Variants in MFAP5 observed in about 807,000 individuals in gnomAD.
MFAP5 encodes microfibrillar-associated protein 5.
In MFAP5, 19 loss-of-function variants were observed where a neutral mutation model predicts 30.1. The ratio of observed to expected loss-of-function variants is 0.63; its 90% CI spans 0.44 to 0.93. The LOEUF (loss-of-function observed/expected upper bound fraction) is 0.93, where lower values mean the gene tolerates loss of function less well. Among genes scored for constraint, MFAP5 ranks in the 40% least tolerant of loss-of-function variants. The probability of loss-of-function intolerance (pLI) is 0.00; values close to 1 mark genes in which losing one functional copy is unlikely to be tolerated. For missense variants in MFAP5, 210 were observed against 221.3 expected (o/e 0.95, Z 0.32); for synonymous variants, 92 against 72.9 (o/e 1.26, Z -1.33).
chr12:8,650,659 T>A, intron 7 of MFAP5, 70 bp from the exon 8 acceptor site: 8 of 1,254,654 alleles, frequency 6.4e-6, no homozygotes, highest in Non-Finnish European at 9.3e-6. Flanking sequence ...ATTGAAGGAA[T>A]TGGGAAGGAT....
intron 6 of MFAP5, 160 bp from the exon 7 acceptor site, chr12:8,651,851 C>CT: frequency 1.6e-6 from 1 of 639,360 alleles, no homozygotes; most frequent in Non-Finnish European, 2.7e-6. Flanking sequence ...CCTTATTGAG[C>CT]TGATTTGCTC....
chr12:8,650,658 A>T, intron 7 of MFAP5, 69 bp from the exon 8 acceptor site: 1 of 1,329,604 alleles, frequency 7.5e-7, no homozygotes, highest in South Asian at 1.2e-5. Context: ...GATTGAAGGA[A>T]TTGGGAAGGA....
chr12:8,650,981 A>G (rs1941822369), intron 7 of MFAP5, among the ~76,000 whole-genome samples: 1 of 152,164 alleles, frequency 6.6e-6, no homozygotes, highest in South Asian at 2.1e-4. Flanking sequence ...AGCCTGGCCA[A>G]CAAGGTAAAA....
At chr12:8,656,097 G>T (rs1941975651) in intron 3 of MFAP5, among the ~76,000 whole-genome samples, 1 of 127,888 alleles carries the variant, frequency 7.8e-6, no homozygotes, top group Admixed American at 9.6e-5. Flanking sequence ...GTCTCGCTCT[G>T]TCGCCCAGGC....
intron 5 of MFAP5, among the ~76,000 whole-genome samples, 171 bp from the exon 6 acceptor site, chr12:8,654,652 A>C (rs1367261514): frequency 2.0e-5 from 3 of 152,182 alleles, no homozygotes; most frequent in South Asian, 2.1e-4. Context: ...TTTTTAAAGA[A>C]TATTAGTCCT....
chr12:8,653,181 A>G (rs1306029902), intron 6 of MFAP5, among the ~76,000 whole-genome samples: 1 of 151,210 alleles, frequency 6.6e-6, no homozygotes, highest in African/African-American at 2.4e-5. Context: ...AACAAGACCA[A>G]GACTCTGTGT....
Position 8,662,114 on chromosome 12 carries a change from G to T in MFAP5, c.-2-8C>A. On this transcript the variant is annotated splice_polypyrimidine_tract_variant and splice_region_variant and intron_variant, in intron 1 of 9. Coordinates refer to ENST00000359478, the MANE Select transcript of MFAP5 (RefSeq NM_003480.4). ...GTCCCAAGAGCGACATATCTATAGG[G>T]GTGGTGGGCATAGCAGAGAATGTGA... is the stretch of plus-strand genomic sequence containing the variant. The T allele has an allele frequency of 3.7e-6, 6 of 1,612,840 alleles. No individual in the cohort carries two copies. The highest frequency in any genetic ancestry group is 5.1e-6 in the Non-Finnish European group (6 of 1,179,652).
intron 3 of MFAP5, among the ~76,000 whole-genome samples, chr12:8,659,791 A>G (rs929425163): frequency 2.0e-5 from 3 of 152,190 alleles, no homozygotes; most frequent in African/African-American, 7.2e-5. Context: ...GTATGAAATA[A>G]TACTTTACTC....
intron 3 of MFAP5, among the ~76,000 whole-genome samples, chr12:8,657,431 A>T (rs1311366972): frequency 1.3e-5 from 2 of 152,126 alleles, no homozygotes; most frequent in African/African-American, 4.8e-5. Context: ...AAAAATAAGA[A>T]TAAAATAATA....
intron 3 of MFAP5, 123 bp from the exon 4 acceptor site, chr12:8,655,953 C>A: frequency 1.3e-6 from 1 of 764,866 alleles, no homozygotes; most frequent in Non-Finnish European, 2.2e-6. Context: ...AAATGTTTTT[C>A]CTTGACTGCT....
At chr12:8,654,749 C>T (rs1002153273) in intron 5 of MFAP5, among the ~76,000 whole-genome samples, 2 of 151,750 alleles carry the variant, frequency 1.3e-5, no homozygotes, top group African/African-American at 4.8e-5. Context: ...AGTTCAAGAC[C>T]AGCCTGGCCA....
intron 3 of MFAP5, among the ~76,000 whole-genome samples, chr12:8,657,909 G>A (rs1942050289): frequency 6.6e-6 from 1 of 152,088 alleles, no homozygotes; most frequent in African/African-American, 2.4e-5. Flanking sequence ...ATTAATAAAT[G>A]TCAAATGTAA....
chr12:8,646,945 A>G lies in MFAP5; in HGVS notation c.*1146T>C, dbSNP rs150501138. On this transcript the variant is annotated 3_prime_UTR_variant, in exon 10 of 10. Transcript: ENST00000359478. ...CCACTGCGCCCAGCAGTACTAAGATAAATTTAACCTTCTCATTTTAAAGAT... is the reference window on the plus strand; with the variant it reads ...CCACTGCGCCCAGCAGTACTAAGATGAATTTAACCTTCTCATTTTAAAGAT... The G allele has an allele frequency of 1.3e-5, 2 of 152,280 alleles. No individual in the cohort carries two copies. The highest frequency in any genetic ancestry group is 2.9e-5 in the Non-Finnish European group (2 of 68,026). 9.4% of individuals were successfully genotyped at this position (152,280 alleles called of 1,614,324 possible).
chr12:8,661,964 G>C (rs1942163364), intron 2 of MFAP5, 83 bp downstream of exon 2: 3 of 1,300,306 alleles, frequency 2.3e-6, no homozygotes, highest in South Asian at 1.2e-5. Context: ...ATTCCTCTTC[G>C]ACCTCATTCC....
chr12:8,655,894 A>C (rs1231875190), intron 3 of MFAP5, 64 bp from the exon 4 acceptor site: 1 of 1,454,118 alleles, frequency 6.9e-7, no homozygotes, highest in Non-Finnish European at 9.6e-7. Flanking sequence ...TTGCACTTCC[A>C]GTAAGTTAAA....
chr12:8,662,166 T>G, intron 1 of MFAP5, 60 bp from the exon 2 acceptor site: 1 of 1,476,466 alleles, frequency 6.8e-7, no homozygotes, highest in Non-Finnish European at 9.4e-7. Context: ...AGCATTTCAG[T>G]GCCAGGGAAA....
intron 6 of MFAP5, 153 bp downstream of exon 6, chr12:8,654,284 C>A: frequency 2.9e-6 from 2 of 678,058 alleles, no homozygotes; most frequent in Non-Finnish European, 4.9e-6. Context: ...TCAACAATGT[C>A]ATTAATTTGA....
Position 8,658,124 on chromosome 12 carries a change from G to A in MFAP5, c.95-2294C>T, listed in dbSNP as rs150177597. Among the ~76,000 whole-genome samples, 151 of 152,198 alleles carry A rather than the reference G, an allele frequency of 9.9e-4. 1 individual carries two copies. The highest frequency in any genetic ancestry group is 7.4e-3 in the East Asian group (38 of 5,160). ...AGCATTTTGGGAGGCCAAGGCATGCGTATCACTTGAGGTCAGGAGTTTGAG... is the reference window on the plus strand; with the variant it reads ...AGCATTTTGGGAGGCCAAGGCATGCATATCACTTGAGGTCAGGAGTTTGAG... On this transcript the variant is annotated intron_variant, in intron 3 of 9. Transcript: ENST00000359478.
At chr12:8,655,691 C>T in intron 4 of MFAP5, 95 bp downstream of exon 4, 1 of 1,437,030 alleles carries the variant, frequency 7.0e-7, no homozygotes, top group Non-Finnish European at 9.6e-7. Context: ...ACCCTCCAAC[C>T]CTTCTGAAGT....
Sources: gnomAD v4.1 joint callset for allele counts (sites outside exome capture counted in the v4.1 genomes callset) on GRCh38, gnomAD v4.1.1 for gene constraint, MANE v1.5 for transcripts, NCBI Gene and HGNC (gene_info 2026-07-23, HGNC 2026-07-21) for gene names.